PHF20: variants seen among roughly 807,000 people sequenced by gnomAD.
PHF20 encodes PHD finger protein 20, also known as glioma-expressed antigen 2.
In PHF20, 23 loss-of-function variants were observed where a neutral mutation model predicts 113.5. That is an observed-to-expected ratio of 0.20 (90% CI 0.15 to 0.29). PHF20 has a LOEUF of 0.29. PHF20 is among the 10% of genes least tolerant of loss of function. The pLI is 1.00. For synonymous variants in PHF20, 434 were observed against 457.3 expected, an observed-to-expected ratio of 0.95 and a Z score of 0.65; for missense variants, 943 against 1,219.6, an observed-to-expected ratio of 0.77 and a Z score of 3.38.
intron 9 of PHF20, among the ~76,000 whole-genome samples, chr20:35,891,023 A>AG (rs1433193284): frequency 6.6e-6 from 1 of 152,194 alleles, no homozygotes; most frequent in Non-Finnish European, 1.5e-5. Flanking sequence ...AGTCTTGGAG[A>AG]GGCTAGCTCC....
At chr20:35,907,341 C>T (rs2055218304) in intron 10 of PHF20, among the ~76,000 whole-genome samples, 1 of 152,164 alleles carries the variant, frequency 6.6e-6, no homozygotes, top group South Asian at 2.1e-4. Flanking sequence ...TGGAGGAAAG[C>T]CTCACCCTGC....
In PHF20 at chr20:35,939,038, C is replaced by T. The variant is rs181763739; in HGVS notation, c.2642C>T (p.Pro881Leu). The T allele has an allele frequency of 2.4e-5, 39 of 1,614,154 alleles. No individual in the cohort carries two copies. The East Asian group carries it at 4.7e-4, about 19-fold the overall frequency. The change falls in exon 16 of 18, where the codon CCG (proline) becomes CTG (leucine). Residue 881 changes from proline to leucine, a missense_variant. By Grantham distance (98) the Pro-to-Leu change is moderately conservative. Around this residue, in one of 3 missense-constraint regions of PHF20, gnomAD observed 349 missense variants for 412.3 expected, o/e 0.85. Coordinates refer to ENST00000374012, the MANE Select transcript of PHF20 (RefSeq NM_016436.5). ...LHENGDDSLS[P>L]RLGWPLDQDR... ...GAGAACGGCGATGATTCCCTTTCCCCGCGCCTGGGCTGGCCTCTAGACCAA... is the reference window on the plus strand; with the variant it reads ...GAGAACGGCGATGATTCCCTTTCCCTGCGCCTGGGCTGGCCTCTAGACCAA...
intron 2 of PHF20, among the ~76,000 whole-genome samples, chr20:35,831,471 AT>A (rs1394669642): frequency 1.3e-5 from 2 of 152,138 alleles, no homozygotes; most frequent in South Asian, 4.1e-4. Flanking sequence ...GGCTGATTAA[AT>A]TTTTTTAGAA....
intron 9 of PHF20, among the ~76,000 whole-genome samples, chr20:35,877,320 C>CAA (rs565600863): frequency 3.0e-5 from 2 of 67,530 alleles, no homozygotes; most frequent in Admixed American, 1.5e-4. Context: ...GACTCCATCT[C>CAA]AAAAAAAAAA....
intron 3 of PHF20, among the ~76,000 whole-genome samples, 196 bp downstream of exon 3, chr20:35,842,940 G>A (rs567086573): frequency 2.6e-5 from 4 of 152,188 alleles, no homozygotes; most frequent in East Asian, 1.9e-4. Context: ...ACGGAGTCTC[G>A]CTGTGTTGCC....
chr20:35,848,453 C>T (rs373690004), intron 4 of PHF20, among the ~76,000 whole-genome samples: 6 of 151,946 alleles, frequency 3.9e-5, no homozygotes, highest in South Asian at 2.1e-4. Context: ...TTAGTAGAGA[C>T]GGGGTTTCGC....
intron 10 of PHF20, among the ~76,000 whole-genome samples, chr20:35,905,211 C>T (rs1025167490): frequency 5.3e-5 from 8 of 152,106 alleles, no homozygotes; most frequent in Middle Eastern, 3.2e-3. Context: ...TCATAAACAA[C>T]GTGAGAAAGC....
intron 10 of PHF20, among the ~76,000 whole-genome samples, chr20:35,903,403 T>C (rs1042372147): frequency 2.0e-5 from 3 of 152,158 alleles, no homozygotes; most frequent in African/African-American, 7.2e-5. Context: ...AGTGGTCCTT[T>C]GTAAAATTGA....
In PHF20 at chr20:35,858,365, C is replaced by A; in HGVS notation, c.404C>A (p.Ala135Asp). ...VQTVKHIHVK[A>D]FSKDQNIVGN... is the part of the protein sequence containing the mutation. ...ACTGTCAAACATATTCATGTCAAAG[C>A]TTTTTCCAAAGATCAGGTGAGAAAT... The change falls in exon 5 of 18, where the codon GCT becomes GAT. Residue 135 changes from alanine (A) to aspartate (D), a missense_variant. Coordinates refer to ENST00000374012, the MANE Select transcript of PHF20 (RefSeq NM_016436.5). The A allele has an allele frequency of 1.3e-6, 2 of 1,588,030 alleles. No homozygotes were observed. The highest frequency in any genetic ancestry group is 1.7e-6 in the Non-Finnish European group (2 of 1,159,664).
At chr20:35,862,263 C>T (rs2054231343) in intron 5 of PHF20, among the ~76,000 whole-genome samples, 2 of 152,098 alleles carry the variant, frequency 1.3e-5, no homozygotes, top group African/African-American at 4.8e-5. Flanking sequence ...TTATAGTTTT[C>T]CTGTTAAGCT....
In PHF20 at chr20:35,828,824, G is replaced by A. The variant is rs556834752; in HGVS notation, c.84-13749G>A. Among the ~76,000 whole-genome samples the A allele has an allele frequency of 4.6e-5, 7 of 152,250 alleles. No individual in the cohort carries two copies. In the South Asian group the frequency reaches 1.5e-3, roughly 32 times the overall value. On this transcript the variant is annotated intron_variant, in intron 2 of 17. Coordinates refer to ENST00000374012, the MANE Select transcript of PHF20 (RefSeq NM_016436.5). Reference sequence around the variant, plus strand: ...TGGCACCTCTAACCTATAAACTATTGATAGACTCCATTTCTAGATACCAAA... The same window carrying A: ...TGGCACCTCTAACCTATAAACTATTAATAGACTCCATTTCTAGATACCAAA...
At chr20:35,787,882 AT>A (rs35940074) in intron 1 of PHF20, among the ~76,000 whole-genome samples, 123,880 of 151,442 alleles carry the variant, frequency 0.82, 50,884 homozygotes, top group East Asian at 0.87. Context: ...GGTTCAAGTG[AT>A]TCTCCTGCCT....
At chr20:35,839,011 G>T (rs546687316) in intron 2 of PHF20, among the ~76,000 whole-genome samples, 1 of 146,824 alleles carries the variant, frequency 6.8e-6, no homozygotes, top group African/African-American at 2.5e-5. Context: ...AAAAAAAAAA[G>T]TGATTTCCGT....
chr20:35,810,285 G>A (rs1399127308), intron 2 of PHF20, among the ~76,000 whole-genome samples: 1 of 152,128 alleles, frequency 6.6e-6, no homozygotes, highest in Non-Finnish European at 1.5e-5. Flanking sequence ...TAAATCCACG[G>A]ACTGGATTGA....
intron 9 of PHF20, among the ~76,000 whole-genome samples, chr20:35,872,142 C>T (rs2054433488): frequency 6.6e-6 from 1 of 150,564 alleles, no homozygotes; most frequent in Admixed American, 6.6e-5. Flanking sequence ...TTTTCTAGAA[C>T]TTTACCTAAT....
At chr20:35,782,367 C>G (rs1295890704) in intron 1 of PHF20, 1 of 151,860 alleles carries the variant, frequency 6.6e-6, no homozygotes, top group Non-Finnish European at 1.5e-5. Context: ...TGACTGCAAC[C>G]TCTGCCTCCT....
intron 10 of PHF20, among the ~76,000 whole-genome samples, chr20:35,910,077 A>AT (rs2055269867): frequency 6.6e-6 from 1 of 152,244 alleles, no homozygotes; most frequent in African/African-American, 2.4e-5. Context: ...CTTTGTGGAT[A>AT]TCTTGATTCC....
Position 35,948,605 on chromosome 20 carries a change from A to G in PHF20, c.*978A>G, listed in dbSNP as rs2056126450. The G allele has an allele frequency of 6.5e-6, 1 of 152,684 alleles. No homozygotes were observed. The highest frequency in any genetic ancestry group is 1.5e-5 in the Non-Finnish European group (1 of 68,044). 9.5% of individuals were successfully genotyped at this position (152,684 alleles called of 1,614,324 possible). On this transcript the variant is annotated 3_prime_UTR_variant, in exon 18 of 18. Transcript: ENST00000374012. ...GCGTTTTCAGAATTGTTTTGTTACT[A>G]TACTTTAACATTTTACATTTCCTGT...
chr20:35,934,148 G>A (rs920892560), intron 15 of PHF20, among the ~76,000 whole-genome samples: 1 of 152,216 alleles, frequency 6.6e-6, no homozygotes. Flanking sequence ...CAGGCCTAGA[G>A]GAGGCCTGGT....
Sources: allele counts gnomAD v4.1 joint callset (sites outside exome capture counted in the v4.1 genomes callset), GRCh38; gene constraint gnomAD v4.1.1; regional missense constraint gnomAD v4.1.1; transcripts MANE v1.5; gene names NCBI Gene and HGNC (gene_info 2026-07-23, HGNC 2026-07-21).